The following KCNIP3 variants were observed in gnomAD, a reference collection of about 807,000 sequenced individuals.
KCNIP3 encodes calsenilin.
A neutral mutation model predicts 35.0 loss-of-function variants in KCNIP3; 28 were observed. The observed-to-expected ratio is 0.80, with a 90% CI of 0.59 to 1.10. KCNIP3 has a LOEUF of 1.10. Ranked by LOEUF, KCNIP3 falls within the 50% of genes least tolerant of loss-of-function variation. KCNIP3 has a pLI of 0.00. For synonymous variants in KCNIP3, 134 were observed against 133.8 expected, an observed-to-expected ratio of 1.00 and a Z score of -0.01; for missense variants, 295 against 338.4, an observed-to-expected ratio of 0.87 and a Z score of 1.01.
chr2:95,345,499 G>C (rs1679328083), intron 2 of KCNIP3, among the ~76,000 whole-genome samples: 1 of 152,278 alleles, frequency 6.6e-6, no homozygotes, highest in Non-Finnish European at 1.5e-5. Flanking sequence ...TCAGCTGAAT[G>C]AATGGCCGAG....
At chr2:95,346,958 C>T in intron 2 of KCNIP3, 1 of 1,315,004 alleles carries the variant, frequency 7.6e-7, no homozygotes, top group Non-Finnish European at 1.0e-6. Context: ...CCGGTGCCTC[C>T]GAGGCAGCGC....
Position 95,381,681 on chromosome 2 carries a change from A to G in KCNIP3, c.533A>G (p.Lys178Arg). The G allele has an allele frequency of 1.2e-6, 2 of 1,613,612 alleles. No individual in the cohort carries two copies. Among genetic ancestry groups the G allele is most frequent in the East Asian group, 2.2e-5 (1 of 44,870 alleles). Residue 178 changes from lysine (K) to arginine (R), a missense_variant, in exon 6 of 9, where the codon AAG (lysine) becomes AGG (arginine). Physicochemically the swap from Lys to Arg is conservative, Grantham distance 26. Coordinates refer to ENST00000295225, the MANE Select transcript of KCNIP3 (RefSeq NM_013434.5). ...GCCTTTAATCTCTACGACATTAACA[A>G]GGATGGCTACATCACCAAAGAGGTA... Reference protein sequence around the residue: ...KWAFNLYDINKDGYITKEEML... With the variant: ...KWAFNLYDINRDGYITKEEML...
At chr2:95,297,495 G>C (rs375076643) in intron 1 of KCNIP3, 42 bp downstream of exon 1, 1 of 1,144,070 alleles carries the variant, frequency 8.7e-7, no homozygotes, top group African/African-American at 1.7e-5. Flanking sequence ...GAGGGGGGTC[G>C]GGGGGAGGAA....
intron 2 of KCNIP3, among the ~76,000 whole-genome samples, chr2:95,355,686 T>A (rs574867195): frequency 4.5e-4 from 68 of 152,360 alleles, no homozygotes; most frequent in African/African-American, 1.4e-3. Flanking sequence ...CATCCTTTTT[T>A]ATGGCTGCAT....
chr2:95,338,788 T>C (rs968296752), intron 2 of KCNIP3, among the ~76,000 whole-genome samples: 18 of 152,230 alleles, frequency 1.2e-4, no homozygotes, highest in African/African-American at 4.1e-4. Context: ...TCACTTCCTT[T>C]ATCTGTGAGG....
intron 2 of KCNIP3, among the ~76,000 whole-genome samples, chr2:95,315,853 G>A (rs372276481): frequency 4.6e-5 from 7 of 152,172 alleles, no homozygotes; most frequent in South Asian, 4.1e-4. Flanking sequence ...GCCTCCCTGC[G>A]CCCTCCAGAC....
chr2:95,376,608 G>A lies in KCNIP3; in HGVS notation c.447+1400G>A, dbSNP rs966014115. 1.5e-4 allele frequency among the ~76,000 whole-genome samples: 23 copies of A among 152,248 alleles called. No individual in the cohort carries two copies. The highest frequency in any genetic ancestry group is 5.1e-4 in the African/African-American group (21 of 41,468). On this transcript the variant is annotated intron_variant, in intron 5 of 8. Transcript: ENST00000295225. This position sits in a 1 kb window ranked among gnomAD's most constrained non-coding sequence, Gnocchi z 4.2. ...TGGGCCTTCTGCAGCTTCTCTGCAC[G>A]TGAAACGAAGTCCTCTGGCTTCACG... is the stretch of plus-strand genomic sequence containing the variant.
At chr2:95,328,365 A>C (rs1678843657) in intron 2 of KCNIP3, among the ~76,000 whole-genome samples, 1 of 152,148 alleles carries the variant, frequency 6.6e-6, no homozygotes. Context: ...TGCTCCACAC[A>C]CTGTCTGAGC....
chr2:95,355,819 T>C (rs2104279284), intron 2 of KCNIP3, among the ~76,000 whole-genome samples: 2 of 152,330 alleles, frequency 1.3e-5, no homozygotes, highest in East Asian at 3.9e-4. Context: ...TGTGCATGTG[T>C]CTTTACAGCA....
At chr2:95,360,743 CAGAG>C (rs368201007) in intron 2 of KCNIP3, among the ~76,000 whole-genome samples, 15 of 150,784 alleles carry the variant, frequency 9.9e-5, no homozygotes, top group African/African-American at 1.5e-4. Flanking sequence ...GACAGACAGA[CAGAG>C]AGAGAGAGAG....
chr2:95,347,236 C>T (rs941719416), intron 2 of KCNIP3: 10 of 874,808 alleles, frequency 1.1e-5, no homozygotes, highest in African/African-American at 6.8e-5. Flanking sequence ...CGGCCTGGGC[C>T]GCCGCCCCCT....
rs1207345261 is a variant in KCNIP3, at chr2:95,367,252, G to A, written c.182-7044G>A. Among the ~76,000 whole-genome samples the A allele has an allele frequency of 2.6e-5, 4 of 152,060 alleles. No individual in the cohort carries two copies. In the East Asian group the frequency reaches 5.8e-4, roughly 22 times the overall value. On this transcript the variant is annotated intron_variant, in intron 2 of 8. Coordinates refer to ENST00000295225, the MANE Select transcript of KCNIP3 (RefSeq NM_013434.5). ...CATGCCACTGCACTCCAGCCTGGGC[G>A]ACGGAGCCAAACTCTGTCTTAAAAA...
chr2:95,365,950 C>T (rs1161637067), intron 2 of KCNIP3, among the ~76,000 whole-genome samples: 1 of 151,950 alleles, frequency 6.6e-6, no homozygotes, highest in Non-Finnish European at 1.5e-5. Flanking sequence ...AGATGTGGAA[C>T]AATTTATTTT....
chr2:95,318,316 C>T (rs1192593618), intron 2 of KCNIP3, among the ~76,000 whole-genome samples: 1 of 152,222 alleles, frequency 6.6e-6, no homozygotes, highest in Non-Finnish European at 1.5e-5. Context: ...CTCGACCGCC[C>T]AGGCCCTCCC....
intron 2 of KCNIP3, among the ~76,000 whole-genome samples, chr2:95,365,068 A>C (rs939667955): frequency 6.6e-6 from 1 of 151,848 alleles, no homozygotes; most frequent in African/African-American, 2.4e-5. Flanking sequence ...CAACAGAGTG[A>C]GACCCTGTCT....
At chr2:95,329,735 C>T (rs565955257) in intron 2 of KCNIP3, among the ~76,000 whole-genome samples, 2 of 152,342 alleles carry the variant, frequency 1.3e-5, no homozygotes, top group South Asian at 2.1e-4. Flanking sequence ...TTGTGGCTGG[C>T]GTGCACGTTC....
chr2:95,301,069 G>T (rs1678015082), intron 1 of KCNIP3, among the ~76,000 whole-genome samples: 4 of 152,256 alleles, frequency 2.6e-5, no homozygotes, highest in Admixed American at 2.6e-4. Flanking sequence ...ACATGCCCCT[G>T]TGCCCAGCTC....
intron 2 of KCNIP3, among the ~76,000 whole-genome samples, chr2:95,345,195 A>G (rs1375386427): frequency 6.6e-6 from 1 of 152,242 alleles, no homozygotes; most frequent in East Asian, 1.9e-4. Context: ...TCTCCCGGTC[A>G]TTTCCCACCA....
chr2:95,349,147 G>C (rs927932046), intron 2 of KCNIP3, among the ~76,000 whole-genome samples: 3 of 152,100 alleles, frequency 2.0e-5, no homozygotes, highest in Non-Finnish European at 4.4e-5. Context: ...CTGTTGGTGG[G>C]GAATGGTGTC....
Sources: gnomAD v4.1 joint callset for allele counts (sites outside exome capture counted in the v4.1 genomes callset) on GRCh38, gnomAD v4.1.1 for gene constraint, Gnocchi (gnomAD v3.1) non-coding constraint, MANE v1.5 for transcripts, NCBI Gene and HGNC (gene_info 2026-07-23, HGNC 2026-07-21) for gene names.